The following FRMPD4 variants were observed in gnomAD, a reference collection of about 807,000 sequenced individuals.
The protein encoded by FRMPD4 is FERM and PDZ domain containing 4, also known as FERM and PDZ domain-containing protein 4.
A neutral mutation model predicts 94.1 loss-of-function variants in FRMPD4; 22 were observed. That is an observed-to-expected ratio of 0.23 (90% CI 0.17 to 0.33). The LOEUF (loss-of-function observed/expected upper bound fraction) is 0.33. Among genes scored for constraint, FRMPD4 ranks in the 10% least tolerant of loss-of-function variants. The probability of loss-of-function intolerance (pLI) is 1.00; values close to 1 mark genes in which losing one functional copy is unlikely to be tolerated. For missense variants in FRMPD4, 1,111 were observed against 1,339.9 expected (o/e 0.83, Z 2.67); for synonymous variants, 631 against 548.6 (o/e 1.15, Z -2.10).
chrX:12,071,145 C>T (rs1010960322), intron 3 of FRMPD4, among the ~76,000 whole-genome samples: 3 of 110,982 alleles, frequency 2.7e-5, no homozygotes, highest in Non-Finnish European at 5.7e-5. Flanking sequence ...TCAAGATGTT[C>T]CTTTGGGGTG....
chrX:12,289,790 A>G (rs1010208107), intron 1 of FRMPD4, among the ~76,000 whole-genome samples: 2 of 111,782 alleles, frequency 1.8e-5, no homozygotes, highest in African/African-American at 6.5e-5. Context: ...ACATTGAGAA[A>G]GGCCAGTGCC....
At chrX:12,322,288 C>T (rs1569230828) in intron 1 of FRMPD4, among the ~76,000 whole-genome samples, 1 of 111,480 alleles carries the variant, frequency 9.0e-6, no homozygotes, top group Non-Finnish European at 1.9e-5. Flanking sequence ...CAGTACTCTT[C>T]ACTCAGAGAA....
At chrX:12,679,264 A>G (rs997966177) in intron 5 of FRMPD4, among the ~76,000 whole-genome samples, 7 of 112,092 alleles carry the variant, frequency 6.2e-5, no homozygotes, top group African/African-American at 2.3e-4. Flanking sequence ...GGTCAGTCAG[A>G]TGTAGCCACA....
At chrX:12,439,140 A>G (rs1215925469) in intron 1 of FRMPD4, among the ~76,000 whole-genome samples, 1 of 111,438 alleles carries the variant, frequency 9.0e-6, no homozygotes, top group Non-Finnish European at 1.9e-5. Flanking sequence ...TATGAAATCC[A>G]TTATGAAAGA....
rs778200975 is a variant in FRMPD4 at position 12,260,240 on chromosome X, T to TA, written c.41+121229dup. The stretch of plus-strand genomic sequence containing the variant: ...ATTTAAGTCTCCATACCTAATCTCT[T>TA]ACCTGAATTTCAGAATATGTCCAAA... On this transcript the variant is annotated intron_variant, in intron 1 of 16. Coordinates refer to ENST00000675598, the MANE Select transcript of FRMPD4 (RefSeq NM_001368397.1). Among the ~76,000 whole-genome samples the TA allele has an allele frequency of 2.7e-5, 3 of 111,373 alleles. No individual in the cohort carries two copies. In the South Asian group the frequency reaches 1.1e-3, roughly 42 times the overall value.
chrX:12,169,297 T>C (rs1038297965), intron 1 of FRMPD4, among the ~76,000 whole-genome samples: 3 of 111,959 alleles, frequency 2.7e-5, no homozygotes, highest in African/African-American at 9.7e-5. Context: ...AAGAGGAGCC[T>C]AGCAAGAAAG....
intron 2 of FRMPD4, among the ~76,000 whole-genome samples, chrX:12,526,999 A>G (rs2058231258): frequency 8.9e-6 from 1 of 111,874 alleles, no homozygotes; most frequent in African/African-American, 3.2e-5. Context: ...GCTTTTTCTT[A>G]TCTACAGTCT....
intron 3 of FRMPD4, among the ~76,000 whole-genome samples, chrX:11,988,088 C>T (rs778193939): frequency 9.0e-6 from 1 of 111,274 alleles, no homozygotes; most frequent in African/African-American, 3.2e-5. Context: ...AAAAAACAAC[C>T]CTAACATTTA....
intron 3 of FRMPD4, among the ~76,000 whole-genome samples, chrX:12,112,615 C>A (rs1410056715): frequency 9.0e-6 from 1 of 111,215 alleles, no homozygotes; most frequent in Non-Finnish European, 1.9e-5. Flanking sequence ...TAACCAAGAT[C>A]TGGAGTATTA....
chrX:11,848,985 T>G (rs1192278828), intron 1 of FRMPD4, among the ~76,000 whole-genome samples: 1 of 111,252 alleles, frequency 9.0e-6, no homozygotes, highest in African/African-American at 3.3e-5. Context: ...AGGGATAAGG[T>G]ATATCCAAAT....
At chrX:12,298,628 C>T (rs1411737872) in intron 1 of FRMPD4, among the ~76,000 whole-genome samples, 1 of 112,164 alleles carries the variant, frequency 8.9e-6, no homozygotes, top group East Asian at 2.8e-4. Flanking sequence ...ATTCTCGTTG[C>T]AGGGCTTTTG....
intron 3 of FRMPD4, among the ~76,000 whole-genome samples, chrX:11,879,092 T>C (rs778068259): frequency 8.9e-6 from 1 of 112,431 alleles, no homozygotes; most frequent in African/African-American, 3.2e-5. Flanking sequence ...TTTTTTGTTA[T>C]GCAGTTCACT....
At chrX:12,247,656 G>A (rs1278613534) in intron 1 of FRMPD4, among the ~76,000 whole-genome samples, 4 of 111,440 alleles carry the variant, frequency 3.6e-5, no homozygotes, top group Non-Finnish European at 7.5e-5. Flanking sequence ...AAAAGTGCTG[G>A]GATTACAGGC....
intron 3 of FRMPD4, among the ~76,000 whole-genome samples, chrX:11,886,907 G>C (rs1016442805): frequency 1.8e-5 from 2 of 109,766 alleles, no homozygotes; most frequent in African/African-American, 3.3e-5. Context: ...ATGTCTCCTC[G>C]GGGGGACCTT....
chrX:12,332,945 C>T (rs2055454678), intron 1 of FRMPD4, among the ~76,000 whole-genome samples: 1 of 111,679 alleles, frequency 9.0e-6, no homozygotes, highest in African/African-American at 3.2e-5. Flanking sequence ...TATGGAATGG[C>T]AGTAGAGCCA....
upstream of FRMPD4, among the ~76,000 whole-genome samples, chrX:12,133,799 C>T (rs1206882109): frequency 1.8e-5 from 2 of 111,501 alleles, no homozygotes; most frequent in Non-Finnish European, 3.8e-5. Flanking sequence ...AGTAGTTTCC[C>T]TGCCCTCACA....
At chrX:12,256,122 G>T (rs1170654391) in intron 1 of FRMPD4, among the ~76,000 whole-genome samples, 2 of 111,956 alleles carry the variant, frequency 1.8e-5, no homozygotes, top group African/African-American at 6.5e-5. Context: ...ATATAGGGTA[G>T]AATATAGGCA....
chrX:12,145,340 T>C (rs2055749712), intron 1 of FRMPD4, among the ~76,000 whole-genome samples: 1 of 112,577 alleles, frequency 8.9e-6, no homozygotes. Context: ...ATGGTGATTT[T>C]ACAATGGTTC....
intron 1 of FRMPD4, 24 bp from the exon 2 acceptor site, chrX:12,498,656 T>C: frequency 2.3e-6 from 2 of 870,260 alleles, no homozygotes. Context: ...GGTGTAATGA[T>C]GCTTTTTTTT....
Sources: allele counts gnomAD v4.1 joint callset (sites outside exome capture counted in the v4.1 genomes callset), GRCh38; gene constraint gnomAD v4.1.1; transcripts MANE v1.5; gene names NCBI Gene and HGNC (gene_info 2026-07-23, HGNC 2026-07-21).